DOCK9: variants seen among roughly 807,000 people sequenced by gnomAD.
The protein encoded by DOCK9 is dedicator of cytokinesis protein 9.
A neutral mutation model predicts 263.3 loss-of-function variants in DOCK9; 89 were observed. The ratio of observed to expected loss-of-function variants is 0.34; its 90% CI spans 0.28 to 0.40. DOCK9 has a LOEUF of 0.40. Among genes scored for constraint, DOCK9 ranks in the 10% least tolerant of loss-of-function variants. DOCK9 has a pLI of 1.00. For missense variants in DOCK9, 2,140 were observed against 2,603.4 expected (o/e 0.82, Z 3.87); for synonymous variants, 976 against 973.1 (o/e 1.00, Z -0.06).
Position 98,991,446 on chromosome 13 carries a change from C to T in DOCK9, c.130-35895G>A, listed in dbSNP as rs549330797. 2.0e-5 allele frequency among the ~76,000 whole-genome samples: 3 copies of T among 152,282 alleles called. No homozygotes were observed. The South Asian group carries it at 6.2e-4, about 32-fold the overall frequency. ...TGGCCAATATGGTAGCCACTAGCCA[C>T]ACGGGGCTACTCGAGATTTGCCTAG... On this transcript the variant is annotated intron_variant, in intron 1 of 32. Transcript: ENST00000427887.
chr13:99,035,984 T>C lies in DOCK9; in HGVS notation c.129+50239A>G, dbSNP rs534183400. 3.9e-5 allele frequency among the ~76,000 whole-genome samples: 6 copies of C among 152,256 alleles called. No individual in the cohort carries two copies. In the South Asian group the frequency reaches 1.0e-3, roughly 26 times the overall value. ...ACAACAGACTCACTTTGAACTCCAA[T>C]TGCAACATCAGCTCTTCTCTGGGTC... On this transcript the variant is annotated intron_variant, in intron 1 of 32. Transcript: ENST00000427887.
chr13:99,039,600 T>C (rs576857678), intron 1 of DOCK9, among the ~76,000 whole-genome samples: 1 of 152,348 alleles, frequency 6.6e-6, no homozygotes, highest in East Asian at 1.9e-4. Flanking sequence ...CAACAAGCAC[T>C]ATGCTAGGTG....
At chr13:98,811,959 T>C (rs557663471) in intron 45 of DOCK9, among the ~76,000 whole-genome samples, 38 of 152,314 alleles carry the variant, frequency 2.5e-4, no homozygotes, top group South Asian at 2.1e-4. Context: ...TTTTTGCATA[T>C]GTATATCCAA....
chr13:99,024,722 T>G (rs1886519595), intron 1 of DOCK9, among the ~76,000 whole-genome samples: 1 of 152,198 alleles, frequency 6.6e-6, no homozygotes, highest in Non-Finnish European at 1.5e-5. Flanking sequence ...TTTTAAAAAC[T>G]ATTGCAATTT....
intron 15 of DOCK9, among the ~76,000 whole-genome samples, chr13:98,893,959 C>T (rs2047008238): frequency 6.6e-6 from 1 of 152,194 alleles, no homozygotes; most frequent in South Asian, 2.1e-4. Flanking sequence ...CTGGAGCACA[C>T]CCTTCACACC....
chr13:98,941,900 A>C (rs2055919381), intron 2 of DOCK9, among the ~76,000 whole-genome samples: 1 of 152,250 alleles, frequency 6.6e-6, no homozygotes, highest in Admixed American at 6.5e-5. Flanking sequence ...GCTCTCCTGG[A>C]TGGTAGTTAT....
At chr13:99,015,437 T>C (rs772767209) in intron 1 of DOCK9, 12 of 1,579,314 alleles carry the variant, frequency 7.6e-6, no homozygotes, top group South Asian at 6.8e-5. Context: ...TTAAGCAAGA[T>C]AGCATTTACC....
chr13:98,979,227 A>G (rs1156669262), upstream of DOCK9, among the ~76,000 whole-genome samples: 8 of 128,834 alleles, frequency 6.2e-5, no homozygotes, highest in African/African-American at 9.3e-5. Flanking sequence ...TAGTAGTAGT[A>G]GTAGCAGCAG....
intron 2 of DOCK9, among the ~76,000 whole-genome samples, chr13:98,933,981 T>C (rs2054395502): frequency 6.6e-6 from 1 of 152,044 alleles, no homozygotes; most frequent in Non-Finnish European, 1.5e-5. Flanking sequence ...CAGTGCAACC[T>C]TGCCGTTCTG....
Position 99,074,736 on chromosome 13 carries a change from GTTAA to G in DOCK9, c.129+11483_129+11486del, listed in dbSNP as rs2041839595. Among the ~76,000 whole-genome samples, 4 of 152,184 alleles carry G rather than the reference GTTAA, an allele frequency of 2.6e-5. No individual in the cohort carries two copies. In the South Asian group the frequency reaches 8.3e-4, roughly 32 times the overall value. ...CTTTAAAAATCCACTTGTAACTCCT[GTTAA>G]TCAGAGTGTATATTCAGGGCAATTT... is the stretch of plus-strand genomic sequence containing the variant. On this transcript the variant is annotated intron_variant, in intron 1 of 32. Coordinates refer to the DOCK9 transcript ENST00000427887.
intron 1 of DOCK9, among the ~76,000 whole-genome samples, chr13:98,966,953 C>T (rs916716428): frequency 2.0e-5 from 3 of 152,184 alleles, no homozygotes; most frequent in Middle Eastern, 3.2e-3. Context: ...CACCCCAGGC[C>T]CACGGAGTGA....
intron 34 of DOCK9, among the ~76,000 whole-genome samples, chr13:98,855,344 C>T (rs1369638133): frequency 3.9e-5 from 6 of 152,098 alleles, no homozygotes; most frequent in East Asian, 1.9e-4. Context: ...GAGGCCGAGG[C>T]GGGCGGATGA....
intron 1 of DOCK9, among the ~76,000 whole-genome samples, chr13:99,056,405 T>C (rs1048721202): frequency 6.6e-6 from 1 of 152,130 alleles, no homozygotes; most frequent in Non-Finnish European, 1.5e-5. Context: ...ACATACTAAA[T>C]ATGCAAAAGT....
intron 34 of DOCK9, among the ~76,000 whole-genome samples, chr13:98,855,307 C>T (rs1228775614): frequency 6.6e-6 from 1 of 152,188 alleles, no homozygotes; most frequent in Non-Finnish European, 1.5e-5. Context: ...GGTGTAGTGG[C>T]TCACGCCTGT....
At chr13:99,053,019 T>C (rs542979697) in intron 1 of DOCK9, among the ~76,000 whole-genome samples, 66 of 152,144 alleles carry the variant, frequency 4.3e-4, no homozygotes, top group Non-Finnish European at 7.6e-4. Flanking sequence ...TGGGATGAAG[T>C]CTCTCCCATT....
intron 13 of DOCK9, among the ~76,000 whole-genome samples, chr13:98,901,272 A>G (rs1346041844): frequency 1.3e-5 from 2 of 152,212 alleles, no homozygotes; most frequent in Admixed American, 6.5e-5. Context: ...AAAACCAAAC[A>G]TACATCATGT....
At chr13:98,991,193 T>C (rs1405394164) in intron 1 of DOCK9, among the ~76,000 whole-genome samples, 7 of 152,000 alleles carry the variant, frequency 4.6e-5, no homozygotes, top group Non-Finnish European at 7.4e-5. Flanking sequence ...TGCCTCAGCC[T>C]CCCCAGTAGC....
intron 36 of DOCK9, among the ~76,000 whole-genome samples, chr13:98,849,690 G>C (rs2093504635): frequency 6.6e-6 from 1 of 152,100 alleles, no homozygotes; most frequent in Non-Finnish European, 1.5e-5. Flanking sequence ...TAAAATTATA[G>C]CAACTTTTCT....
chr13:98,848,860 T>G (rs548624102), intron 36 of DOCK9, among the ~76,000 whole-genome samples: 19 of 152,306 alleles, frequency 1.2e-4, no homozygotes, highest in Non-Finnish European at 2.4e-4. Flanking sequence ...CCTGTGTAGC[T>G]GTCAGTGTGG....
Sources: gnomAD v4.1 joint callset for allele counts (sites outside exome capture counted in the v4.1 genomes callset) on GRCh38, gnomAD v4.1.1 for gene constraint, MANE v1.5 for transcripts, NCBI Gene and HGNC (gene_info 2026-07-23, HGNC 2026-07-21) for gene names.